The following EXOC4 variants were observed in gnomAD, a reference collection of about 807,000 sequenced individuals.
EXOC4 encodes exocyst complex component 4.
EXOC4 carries 71 observed loss-of-function variants against 107.2 expected under a neutral mutation model. That is an observed-to-expected ratio of 0.66 (90% CI 0.55 to 0.81). The LOEUF (loss-of-function observed/expected upper bound fraction) is 0.81, where lower values mean the gene tolerates loss of function less well. Ranked by LOEUF, EXOC4 falls within the 30% of genes least tolerant of loss-of-function variation. EXOC4 has a pLI of 0.00. For synonymous variants in EXOC4, 456 were observed against 441.2 expected (o/e 1.03, Z -0.42); for missense variants, 1,108 against 1,189.6 (o/e 0.93, Z 1.01).
At chr7:133,480,314 T>TA in intron 9 of EXOC4, 176 bp downstream of exon 9, 1 of 1,435,654 alleles carries the variant, frequency 7.0e-7, no homozygotes, top group Non-Finnish European at 9.2e-7. Flanking sequence ...GTAAAACTAT[T>TA]ACTGTGGCCA....
chr7:133,374,430 T>G (rs28649734), intron 6 of EXOC4, among the ~76,000 whole-genome samples: 1,645 of 152,288 alleles, frequency 0.011, 29 homozygotes, highest in African/African-American at 0.038. Context: ...AATAGCATAT[T>G]CTGTGTAACA....
At chr7:133,589,875 A>G (rs1801498775) in intron 9 of EXOC4, among the ~76,000 whole-genome samples, 1 of 152,236 alleles carries the variant, frequency 6.6e-6, no homozygotes, top group Non-Finnish European at 1.5e-5. Context: ...TACATAAAGA[A>G]TCAATAATTT....
intron 5 of EXOC4, among the ~76,000 whole-genome samples, chr7:133,353,378 A>G (rs1226505141): frequency 6.6e-6 from 1 of 151,988 alleles, no homozygotes; most frequent in Non-Finnish European, 1.5e-5. Flanking sequence ...TTTCCCAATC[A>G]CTTTTGAAGG....
chr7:133,587,804 AT>A (rs1801440822), intron 9 of EXOC4, among the ~76,000 whole-genome samples: 1 of 152,200 alleles, frequency 6.6e-6, no homozygotes, highest in Non-Finnish European at 1.5e-5. Flanking sequence ...GAAGAGTTAA[AT>A]TTCCTGCCAA....
intron 9 of EXOC4, among the ~76,000 whole-genome samples, chr7:133,561,236 G>A (rs1198448594): frequency 6.6e-6 from 1 of 152,226 alleles, no homozygotes; most frequent in Non-Finnish European, 1.5e-5. Context: ...GTTGTGGGAA[G>A]TGGGATTGGA....
intron 7 of EXOC4, among the ~76,000 whole-genome samples, chr7:133,407,065 C>T (rs1797236603): frequency 6.6e-6 from 1 of 152,160 alleles, no homozygotes; most frequent in Admixed American, 6.5e-5. Context: ...TGTGTTTGTC[C>T]TTGCTAAGTC....
At chr7:133,413,079 C>G (rs1797399450) in intron 7 of EXOC4, among the ~76,000 whole-genome samples, 2 of 152,102 alleles carry the variant, frequency 1.3e-5, no homozygotes, top group South Asian at 4.1e-4. Flanking sequence ...GAACCTTTGT[C>G]TGAACGACTG....
At position 133,370,064 on chromosome 7, in the gene EXOC4, T is replaced by C. The variant is rs987054116; in HGVS notation, c.1008-4764T>C. Among the ~76,000 whole-genome samples, 10 of 152,174 alleles carry C rather than the reference T, an allele frequency of 6.6e-5. No individual in the cohort carries two copies. In the East Asian group the frequency reaches 1.4e-3, roughly 21 times the overall value. On this transcript the variant is annotated intron_variant, in intron 6 of 17. Transcript: ENST00000253861. ...ACCTCGGCCTCCCGAAGTGCTGGGA[T>C]TACAGGCGTGAGCCACTGTGCCTGG...
intron 7 of EXOC4, among the ~76,000 whole-genome samples, chr7:133,430,261 A>G (rs373975761): frequency 1.3e-5 from 2 of 152,134 alleles, no homozygotes; most frequent in Admixed American, 6.5e-5. Context: ...CTCTGCTGCA[A>G]TGCTCTGTTC....
chr7:133,445,529 A>C (rs557767693), intron 7 of EXOC4, among the ~76,000 whole-genome samples: 1 of 152,174 alleles, frequency 6.6e-6, no homozygotes, highest in Non-Finnish European at 1.5e-5. Context: ...CCTTGGCCCC[A>C]TGTTAGATTC....
At chr7:134,037,026 G>C (rs2116507858) in intron 17 of EXOC4, among the ~76,000 whole-genome samples, 1 of 152,290 alleles carries the variant, frequency 6.6e-6, no homozygotes, top group East Asian at 1.9e-4. Context: ...TAATGTGTAA[G>C]AGGATTCTAG....
chr7:133,796,843 A>C (rs1054598670), intron 10 of EXOC4, among the ~76,000 whole-genome samples: 1 of 152,194 alleles, frequency 6.6e-6, no homozygotes, highest in Admixed American at 6.5e-5. Context: ...TTCCCCAGTT[A>C]CGTGCCTGGG....
intron 12 of EXOC4, among the ~76,000 whole-genome samples, chr7:133,900,028 C>T (rs1799417106): frequency 6.6e-6 from 1 of 152,122 alleles, no homozygotes; most frequent in Non-Finnish European, 1.5e-5. Context: ...TGCCCAGATG[C>T]ACTCTGGGTG....
At chr7:133,347,094 C>T (rs943888939) in intron 5 of EXOC4, among the ~76,000 whole-genome samples, 2 of 151,848 alleles carry the variant, frequency 1.3e-5, no homozygotes, top group Non-Finnish European at 2.9e-5. Context: ...CACTAGGACA[C>T]GAAGTAATTT....
rs570839762 is a variant in EXOC4, at chr7:133,513,691, T to C, written c.1417+33553T>C. Among the ~76,000 whole-genome samples, 17 of 152,342 alleles carry C rather than the reference T, an allele frequency of 1.1e-4. 1 individual carries two copies. The East Asian group carries it at 3.1e-3, about 28-fold the overall frequency. ...TCTTCTAGTAGTCTTTGTTTCCTTC[T>C]TTCTTTTGGAGTTAGAAATTGGATA... is the stretch of plus-strand genomic sequence containing the variant. On this transcript the variant is annotated intron_variant, in intron 9 of 17. Transcript: ENST00000253861.
chr7:133,755,571 T>C (rs1407229008), intron 10 of EXOC4, among the ~76,000 whole-genome samples: 1 of 151,550 alleles, frequency 6.6e-6, no homozygotes, highest in Non-Finnish European at 1.5e-5. Flanking sequence ...CTCGATATCC[T>C]GACCTCGTGA....
At chr7:133,709,666 T>C (rs942607650) in intron 10 of EXOC4, among the ~76,000 whole-genome samples, 34 of 78,842 alleles carry the variant, frequency 4.3e-4, no homozygotes, top group African/African-American at 1.6e-3. Flanking sequence ...TTTTTTTTTT[T>C]CAAAGTGGTA....
intron 10 of EXOC4, among the ~76,000 whole-genome samples, chr7:133,696,670 CAA>C (rs545493008): frequency 6.6e-6 from 1 of 152,160 alleles, no homozygotes; most frequent in Non-Finnish European, 1.5e-5. Context: ...TTGATATTGA[CAA>C]GAGAATAACA....
At chr7:133,547,363 G>A (rs1159989723) in intron 9 of EXOC4, among the ~76,000 whole-genome samples, 1 of 152,106 alleles carries the variant, frequency 6.6e-6, no homozygotes, top group Non-Finnish European at 1.5e-5. Context: ...TGCTGGTGGC[G>A]GGTCTTGCCT....
Sources: allele counts gnomAD v4.1 joint callset (sites outside exome capture counted in the v4.1 genomes callset), GRCh38; gene constraint gnomAD v4.1.1; transcripts MANE v1.5; gene names NCBI Gene and HGNC (gene_info 2026-07-23, HGNC 2026-07-21).